SFXN5: variants seen among roughly 807,000 people sequenced by gnomAD.
The protein encoded by SFXN5 is sideroflexin 5.
SFXN5 carries 43 observed loss-of-function variants against 50.2 expected under a neutral mutation model. That is an observed-to-expected ratio of 0.86 (90% confidence interval 0.67 to 1.11). SFXN5 has a LOEUF of 1.11. Among genes scored for constraint, SFXN5 ranks in the 50% least tolerant of loss-of-function variants. The pLI, the probability that SFXN5 is intolerant of heterozygous loss-of-function variation, is 0.00. For synonymous variants in SFXN5, 203 were observed against 185.8 expected, an observed-to-expected ratio of 1.09 and a Z score of -0.75; for missense variants, 463 against 454.1, an observed-to-expected ratio of 1.02 and a Z score of -0.18.
At chr2:72,967,560 G>A (rs1471890584) in intron 12 of SFXN5, among the ~76,000 whole-genome samples, 3 of 152,128 alleles carry the variant, frequency 2.0e-5, no homozygotes, top group Admixed American at 2.0e-4. Context: ...TCATACTGCG[G>A]GAATAAGAAA....
Position 73,001,514 on chromosome 2 carries a change from G to T in SFXN5, c.411+11C>A. On this transcript the variant is annotated intron_variant, in intron 7 of 13. Coordinates refer to ENST00000272433, the MANE Select transcript of SFXN5 (RefSeq NM_144579.3). ...TTCCTTCAGGAGCCCTGTTTGCTGC[G>T]AGACTGTTACCTGCCAGAAGACAGT... 6.2e-7 allele frequency: 1 copy of T among 1,614,116 alleles called. No individual in the cohort carries two copies. The highest frequency in any genetic ancestry group is 8.5e-7 in the Non-Finnish European group (1 of 1,179,994).
At chr2:72,994,035 C>A (rs1000054018) in intron 9 of SFXN5, among the ~76,000 whole-genome samples, 1 of 152,170 alleles carries the variant, frequency 6.6e-6, no homozygotes, top group East Asian at 1.9e-4. Flanking sequence ...GGAGGCGGCA[C>A]GGTAATAGCT....
chr2:72,998,958 G>A lies in SFXN5; in HGVS notation c.525C>T (p.Val175=). 3 of 1,614,110 alleles carry A rather than the reference G, an allele frequency of 1.9e-6. No individual in the cohort carries two copies. The highest frequency in any genetic ancestry group is 2.5e-6 in the Non-Finnish European group (3 of 1,179,990). Residue 175 remains valine (V), a synonymous_variant, in exon 9 of 14, where the codon GTC becomes GTT. Coordinates refer to ENST00000272433, the MANE Select transcript of SFXN5 (RefSeq NM_144579.3). Reference sequence around the variant, plus strand: ...GGGAGGGAGTACTCACAGCAATGGAGACGGCGCTGATGACAGCTCCCAGGT... The same window carrying A: ...GGGAGGGAGTACTCACAGCAATGGAAACGGCGCTGATGACAGCTCCCAGGT... ...QGYLGAVISA[V]SIAVGLNVLV...
chr2:72,977,974 GA>G (rs56975766), intron 10 of SFXN5, among the ~76,000 whole-genome samples: 112 of 40,904 alleles, frequency 2.7e-3, no homozygotes, highest in East Asian at 8.8e-3. Flanking sequence ...CTCTGCCTCA[GA>G]AAAAAAAAAA....
intron 9 of SFXN5, among the ~76,000 whole-genome samples, chr2:72,993,227 T>G (rs1043996446): frequency 4.6e-5 from 7 of 152,036 alleles, no homozygotes; most frequent in Non-Finnish European, 1.0e-4. Context: ...TGGGGGAAGG[T>G]CAAGGAATTG....
At chr2:73,063,939 A>G (rs1015925522) in intron 1 of SFXN5, among the ~76,000 whole-genome samples, 5 of 152,136 alleles carry the variant, frequency 3.3e-5, no homozygotes, top group African/African-American at 4.8e-5. Context: ...TCTTTACCCA[A>G]TCGCACAATC....
intron 5 of SFXN5, among the ~76,000 whole-genome samples, chr2:73,021,861 G>A (rs1413915454): frequency 2.0e-5 from 3 of 152,204 alleles, no homozygotes; most frequent in Admixed American, 1.3e-4. Context: ...AAGCATGCCA[G>A]CCTAGCTCGT....
chr2:73,044,494 T>G (rs1680060085), intron 2 of SFXN5: 1 of 152,438 alleles, frequency 6.6e-6, no homozygotes, highest in African/African-American at 2.4e-5. Context: ...AGGGCCTATA[T>G]CACAGATACC....
At position 73,058,990 on chromosome 2, in the gene SFXN5, A is replaced by G. The variant is rs150481501; in HGVS notation, c.103-394T>C. 6 of 920,378 alleles carry G rather than the reference A, an allele frequency of 6.5e-6. No homozygotes were observed. The East Asian group carries it at 6.0e-4, about 92-fold the overall frequency. 57.0% of individuals were successfully genotyped at this position (920,378 alleles called of 1,614,324 possible). A position where few individuals can be genotyped will look rare whatever the true frequency, so the allele number is the denominator to read the frequency against. ...CCTGCCTTGCTCAGGACCTTGAGTGACAAAGCATCCTGCCTACCCGCCACA... is the reference window on the plus strand; with the variant it reads ...CCTGCCTTGCTCAGGACCTTGAGTGGCAAAGCATCCTGCCTACCCGCCACA... On this transcript the variant is annotated intron_variant, in intron 1 of 13. Coordinates refer to ENST00000272433, the MANE Select transcript of SFXN5 (RefSeq NM_144579.3).
intron 2 of SFXN5, among the ~76,000 whole-genome samples, chr2:73,057,344 C>G (rs1682280622): frequency 6.6e-6 from 1 of 152,022 alleles, no homozygotes; most frequent in Non-Finnish European, 1.5e-5. Context: ...CACTGTGTTG[C>G]CCAGGCAGGT....
chr2:73,023,377 TG>T (rs138241674), intron 3 of SFXN5, among the ~76,000 whole-genome samples, 163 bp from the exon 4 acceptor site: 104 of 151,730 alleles, frequency 6.9e-4, no homozygotes, highest in Admixed American at 1.0e-3. Flanking sequence ...TGTCCTATCC[TG>T]GGGGGGGTGA....
intron 6 of SFXN5, among the ~76,000 whole-genome samples, chr2:73,018,909 C>T (rs1421946715): frequency 6.6e-6 from 1 of 152,126 alleles, no homozygotes; most frequent in African/African-American, 2.4e-5. Flanking sequence ...TAGTTGTTAC[C>T]TGTTTTAATT....
intron 1 of SFXN5, among the ~76,000 whole-genome samples, chr2:73,067,168 C>G (rs1025899747): frequency 4.6e-5 from 7 of 152,192 alleles, no homozygotes; most frequent in African/African-American, 1.7e-4. Flanking sequence ...CTGTGATATT[C>G]TTACCTCAAA....
intron 9 of SFXN5, among the ~76,000 whole-genome samples, chr2:72,990,083 C>G (rs1672396022): frequency 1.3e-5 from 2 of 152,252 alleles, no homozygotes; most frequent in South Asian, 2.1e-4. Flanking sequence ...AAGGCAGAAA[C>G]AGCCCAGCCC....
rs3043005 is a variant in SFXN5, at chr2:73,052,339, AGTGTGT to A, written c.171+6183_171+6188del. On this transcript the variant is annotated intron_variant, in intron 2 of 13. Coordinates refer to ENST00000272433, the MANE Select transcript of SFXN5 (RefSeq NM_144579.3). ...GAAAATTAGAAAATGTAAGAGAGAG[AGTGTGT>A]GTGTGTGTGTATGCGTGTGTGTGTG... 2.0e-5 allele frequency among the ~76,000 whole-genome samples: 3 copies of A among 147,068 alleles called. No individual in the cohort carries two copies. The East Asian group carries it at 6.0e-4, about 29-fold the overall frequency.
chr2:73,018,704 A>C (rs1033515200), intron 6 of SFXN5, among the ~76,000 whole-genome samples: 1 of 152,208 alleles, frequency 6.6e-6, no homozygotes, highest in Non-Finnish European at 1.5e-5. Context: ...CTAATGTGAA[A>C]AATGCTACTA....
intron 3 of SFXN5, among the ~76,000 whole-genome samples, chr2:73,026,944 C>T (rs1677635669): frequency 6.6e-6 from 1 of 152,146 alleles, no homozygotes; most frequent in Non-Finnish European, 1.5e-5. Context: ...GCCAGCTGGT[C>T]TCAAACTCCT....
chr2:73,064,324 G>A (rs1683022171), intron 1 of SFXN5, among the ~76,000 whole-genome samples: 1 of 152,214 alleles, frequency 6.6e-6, no homozygotes, highest in Admixed American at 6.5e-5. Flanking sequence ...GAACCACCTG[G>A]GTACTTCAAA....
intron 10 of SFXN5, among the ~76,000 whole-genome samples, chr2:72,979,935 G>A (rs192709583): frequency 1.1e-3 from 166 of 152,274 alleles, no homozygotes; most frequent in African/African-American, 3.8e-3. Context: ...AGAGAAGTAG[G>A]ATTGCTTATT....
Sources: allele counts gnomAD v4.1 joint callset (sites outside exome capture counted in the v4.1 genomes callset), GRCh38; gene constraint gnomAD v4.1.1; transcripts MANE v1.5; gene names NCBI Gene and HGNC (gene_info 2026-07-23, HGNC 2026-07-21).